Variants in KIF21B observed in about 807,000 individuals in gnomAD.
The protein encoded by KIF21B is kinesin family member 21B, also known as kinesin-like protein KIF21B.
KIF21B carries 85 observed loss-of-function variants against 192.9 expected under a neutral mutation model. The observed-to-expected ratio is 0.44, with a 90% CI of 0.37 to 0.53. The LOEUF is 0.53. Among genes scored for constraint, KIF21B ranks in the 20% least tolerant of loss-of-function variants. KIF21B has a pLI of 0.00. For synonymous variants in KIF21B, 832 were observed against 884.6 expected, an observed-to-expected ratio of 0.94 and a Z score of 1.05; for missense variants, 1,716 against 2,194.8, an observed-to-expected ratio of 0.78 and a Z score of 4.36.
At chr1:200,974,267 A>G (rs1410824226) in intron 34 of KIF21B, 1 of 1,482,270 alleles carries the variant, frequency 6.7e-7, no homozygotes, top group Non-Finnish European at 9.0e-7. Flanking sequence ...GAGAAGGGAC[A>G]AAGTCGGAAC....
intron 7 of KIF21B, among the ~76,000 whole-genome samples, 193 bp from the exon 8 acceptor site, chr1:201,003,974 G>T (rs376320389): frequency 4.6e-5 from 7 of 152,200 alleles, no homozygotes; most frequent in Middle Eastern, 3.2e-3. Flanking sequence ...GCAACAGCAG[G>T]TAACCATAGT....
chr1:201,009,596 G>A (rs1658119194), intron 1 of KIF21B, 108 bp from the exon 2 acceptor site: 1 of 1,077,348 alleles, frequency 9.3e-7, no homozygotes, highest in East Asian at 2.5e-5. Context: ...TGAGCCAGAG[G>A]AAAAGGAAGG....
In KIF21B at chr1:201,000,407, G is replaced by A. The variant is rs267598290; in HGVS notation, c.1668C>T (p.Val556=). The A allele has an allele frequency of 1.3e-6, 2 of 1,558,576 alleles. No individual in the cohort carries two copies. The highest frequency in any genetic ancestry group is 1.7e-6 in the Non-Finnish European group (2 of 1,158,566). Residue 556 remains valine (V), a synonymous_variant, in exon 11 of 35, where the codon GTC becomes GTT. Transcript: ENST00000461742. The surrounding 1 kb of genome is among the most constrained non-coding windows in gnomAD (Gnocchi z 6.0). ...QDLERLKKKE[V]RQRRKSPEKE... ...CCACTCACCTCTTCCTCCGCTGCCTGACCTCCTTCTTCTTTAGCCGCTCCA... is the reference window on the plus strand; with the variant it reads ...CCACTCACCTCTTCCTCCGCTGCCTAACCTCCTTCTTCTTTAGCCGCTCCA...
In KIF21B at chr1:201,005,459, A is replaced by AAGTG; in HGVS notation, c.598-21_598-18dup. 6.2e-7 allele frequency: 1 copy of AAGTG among 1,601,228 alleles called. No homozygotes were observed. Among genetic ancestry groups the AAGTG allele is most frequent in the East Asian group, 2.2e-5 (1 of 44,698 alleles). On this transcript the variant is annotated splice_polypyrimidine_tract_variant and intron_variant, in intron 4 of 34. Transcript: ENST00000461742. Reference sequence around the variant, plus strand: ...CTGGATCAGCTGGAAACAGAAGCAGAAGTGAGGGCTTGGGACTACCGTGGT... The same window carrying AAGTG: ...CTGGATCAGCTGGAAACAGAAGCAGAAGTGAGTGAGGGCTTGGGACTACCGTGGT...
Position 200,983,112 on chromosome 1 carries a change from T to C in KIF21B, c.3804-18A>G. 1 of 1,534,796 alleles carries C rather than the reference T, an allele frequency of 6.5e-7. No homozygotes were observed. The highest frequency in any genetic ancestry group is 8.7e-7 in the Non-Finnish European group (1 of 1,146,290). ...CATCAGACCTGGGGAGGGCAGAAAA[T>C]TAGCTGGATTAGGGGGTGAGAGGAG... is the stretch of plus-strand genomic sequence containing the variant. On this transcript the variant is annotated intron_variant, in intron 27 of 34. Coordinates refer to ENST00000461742, the MANE Select transcript of KIF21B (RefSeq NM_001252102.2).
intron 1 of KIF21B, among the ~76,000 whole-genome samples, chr1:201,009,757 C>T (rs756999520): frequency 2.6e-5 from 4 of 152,238 alleles, no homozygotes; most frequent in Admixed American, 1.3e-4. Flanking sequence ...AATTAATTCA[C>T]GCATTCTTCA....
rs1459760662 is a variant in KIF21B, at chr1:201,004,762, C to G, written c.900+4G>C. On this transcript the variant is annotated splice_donor_region_variant and intron_variant, in intron 6 of 34. Transcript: ENST00000461742. ...CTGGGGCTGATGACCCACCATGTGCCTACCAGGCCACAGTTGATGGAGATG... is the reference window on the plus strand; with the variant it reads ...CTGGGGCTGATGACCCACCATGTGCGTACCAGGCCACAGTTGATGGAGATG... 6.2e-7 allele frequency: 1 copy of G among 1,614,092 alleles called. No homozygotes were observed. The highest frequency in any genetic ancestry group is 8.5e-7 in the Non-Finnish European group (1 of 1,180,030).
chr1:200,992,353 G>A lies in KIF21B; in HGVS notation c.2314C>T (p.Arg772Trp), dbSNP rs1439917989. ...LMKQMREEQQ[R>W]RRLVETKRNR... ...CTCTTGGTCTCCACTAGCCGCCGCC[G>A]CTGTTGCTCCTCACGCATCTGCTTC... is the stretch of plus-strand genomic sequence containing the variant. Residue 772 changes from arginine (R) to tryptophan (W), a missense_variant, in exon 16 of 35, where the codon CGG (arginine) becomes TGG (tryptophan). Physicochemically the swap from Arg to Trp is moderately radical, Grantham distance 101 (BLOSUM62 -3). Transcript: ENST00000461742. The A allele has an allele frequency of 1.1e-5, 17 of 1,613,076 alleles. No individual in the cohort carries two copies. The highest frequency in any genetic ancestry group is 1.4e-5 in the Non-Finnish European group (16 of 1,180,054).
At position 201,023,459 on chromosome 1, in the gene KIF21B, G is replaced by T; in HGVS notation, c.-76C>A. 8.8e-7 allele frequency: 1 copy of T among 1,141,486 alleles called. No individual in the cohort carries two copies. The highest frequency in any genetic ancestry group is 1.1e-6 in the Non-Finnish European group (1 of 890,696). The allele number at this position is 1,141,486 out of a possible 1,614,324, so 70.7% of individuals were successfully genotyped here. Reference sequence around the variant, plus strand: ...GCCAATGCCCGAGGCAGCGGCTGCGGCTGCGGGAGGCGGGGGCGCGGGCGC... The same window carrying T: ...GCCAATGCCCGAGGCAGCGGCTGCGTCTGCGGGAGGCGGGGGCGCGGGCGC... On this transcript the variant is annotated 5_prime_UTR_variant, in exon 1 of 35. Transcript: ENST00000461742. The surrounding 1 kb of genome is among the most constrained non-coding windows in gnomAD (Gnocchi z 5.9).
rs150383530 is a variant in KIF21B at position 200,988,794 on chromosome 1, C to T, written c.3270G>A (p.Leu1090=). Residue 1090 remains leucine (L), a synonymous_variant, in exon 22 of 35, where the codon CTG becomes CTA. Coordinates refer to ENST00000461742, the MANE Select transcript of KIF21B (RefSeq NM_001252102.2). ...LREKAEAHPE[L]QALIYNVQQE... is the part of the protein sequence containing the mutation. ...GCTGCACATTGTAGATGAGGGCCTG[C>T]AGCTCGGGGTGAGCTTCAGCCTTCT... 1.2e-6 allele frequency: 2 copies of T among 1,613,748 alleles called. No individual in the cohort carries two copies. The highest frequency in any genetic ancestry group is 8.5e-7 in the Non-Finnish European group (1 of 1,179,790).
chr1:200,976,636 C>A, intron 32 of KIF21B, 140 bp downstream of exon 32: 4 of 509,588 alleles, frequency 7.8e-6, no homozygotes, highest in Non-Finnish European at 1.4e-5. Flanking sequence ...CACATAAATT[C>A]TTGCCTTCTT....
At chr1:200,973,924 G>T in intron 34 of KIF21B, 1 of 1,514,738 alleles carries the variant, frequency 6.6e-7, no homozygotes. Context: ...GGTGGGTGCA[G>T]GAGGGACAGG....
At chr1:201,012,719 A>T (rs1393083347) in intron 1 of KIF21B, among the ~76,000 whole-genome samples, 1 of 152,102 alleles carries the variant, frequency 6.6e-6, no homozygotes, top group African/African-American at 2.4e-5. Context: ...TCATGGCTCA[A>T]TGCAGCCTCA....
chr1:200,993,906 T>C (rs1023793357), intron 15 of KIF21B, among the ~76,000 whole-genome samples: 1 of 151,758 alleles, frequency 6.6e-6, no homozygotes, highest in Admixed American at 6.6e-5. Context: ...AGAGGAGGGA[T>C]TGCTTGCTGC....
At chr1:200,993,783 G>A (rs1404753774) in intron 15 of KIF21B, among the ~76,000 whole-genome samples, 2 of 144,816 alleles carry the variant, frequency 1.4e-5, no homozygotes, top group Non-Finnish European at 3.0e-5. Flanking sequence ...AAAAAAAAGA[G>A]AGAGAAAGAA....
At chr1:200,978,340 C>T (rs565941329) in intron 30 of KIF21B, among the ~76,000 whole-genome samples, 1 of 152,122 alleles carries the variant, frequency 6.6e-6, no homozygotes, top group East Asian at 1.9e-4. Flanking sequence ...TGAGCCACTG[C>T]GCCCAGCCTT....
intron 14 of KIF21B, among the ~76,000 whole-genome samples, chr1:200,997,945 G>T (rs373326198): frequency 2.6e-5 from 4 of 152,158 alleles, no homozygotes; most frequent in Admixed American, 2.0e-4. Flanking sequence ...AACAATGTCT[G>T]CTCTGTAAGA....
intron 9 of KIF21B, among the ~76,000 whole-genome samples, chr1:201,001,109 G>GAAAAAAAA (rs57228721): frequency 8.5e-6 from 1 of 117,048 alleles, no homozygotes; most frequent in Non-Finnish European, 1.8e-5. Flanking sequence ...CTCCGTCTCA[G>GAAAAAAAA]AAAAAAAAAA....
intron 15 of KIF21B, among the ~76,000 whole-genome samples, chr1:200,993,470 G>C (rs952410700): frequency 6.6e-6 from 1 of 152,158 alleles, no homozygotes; most frequent in Non-Finnish European, 1.5e-5. Context: ...GGCCGAGCGC[G>C]GTGGCTCACA....
Sources: allele counts gnomAD v4.1 joint callset (sites outside exome capture counted in the v4.1 genomes callset), GRCh38; gene constraint gnomAD v4.1.1; non-coding constraint Gnocchi (gnomAD v3.1); transcripts MANE v1.5; gene names NCBI Gene and HGNC (gene_info 2026-07-23, HGNC 2026-07-21).